STAU2: variants seen among roughly 807,000 people sequenced by gnomAD.
STAU2 encodes staufen double-stranded RNA binding protein 2.
STAU2 carries 20 observed loss-of-function variants against 65.9 expected under a neutral mutation model. That is an observed-to-expected ratio of 0.30 (90% CI 0.21 to 0.44). STAU2 has a LOEUF of 0.44. Among genes scored for constraint, STAU2 ranks in the 20% least tolerant of loss-of-function variants. The pLI, the probability that STAU2 is intolerant of heterozygous loss-of-function variation, is 1.00. For missense variants in STAU2, 558 were observed against 683.9 expected (o/e 0.82, Z 2.05); for synonymous variants, 232 against 233.9 (o/e 0.99, Z 0.07).
At chr8:73,543,053 G>A (rs1806653463) in intron 13 of STAU2, among the ~76,000 whole-genome samples, 1 of 152,098 alleles carries the variant, frequency 6.6e-6, no homozygotes, top group Non-Finnish European at 1.5e-5. Context: ...CAGGCAAACT[G>A]AAACAATTTG....
At chr8:73,690,220 T>TCGGGAGGCTGAGG (rs1216851939) in intron 4 of STAU2, among the ~76,000 whole-genome samples, 33 of 150,676 alleles carry the variant, frequency 2.2e-4, no homozygotes, top group African/African-American at 7.8e-4. Flanking sequence ...TCCCAGCTAC[T>TCGGGAGGCTGAGG]CGGGAGGCTG....
At chr8:73,542,003 T>G (rs73326792) in intron 13 of STAU2, among the ~76,000 whole-genome samples, 2 of 152,050 alleles carry the variant, frequency 1.3e-5, no homozygotes, top group African/African-American at 4.8e-5. Flanking sequence ...GAGAAAAAGG[T>G]AGAAAACTTT....
intron 13 of STAU2, among the ~76,000 whole-genome samples, chr8:73,524,187 C>T (rs983499046): frequency 2.0e-5 from 3 of 152,100 alleles, no homozygotes; most frequent in African/African-American, 7.2e-5. Flanking sequence ...GAGAAGCAGT[C>T]AGGTCAGAGA....
chr8:73,529,141 G>C (rs951327796), intron 13 of STAU2, among the ~76,000 whole-genome samples: 1 of 152,108 alleles, frequency 6.6e-6, no homozygotes, highest in Non-Finnish European at 1.5e-5. Flanking sequence ...GGGGAAAAAG[G>C]TTTGACAACA....
intron 12 of STAU2, among the ~76,000 whole-genome samples, chr8:73,560,507 T>A (rs1300655154): frequency 6.6e-6 from 1 of 152,210 alleles, no homozygotes; most frequent in Non-Finnish European, 1.5e-5. Context: ...TGGTCCTTTT[T>A]TTCCTGCTAC....
chr8:73,612,234 A>C (rs1812529052), intron 9 of STAU2, among the ~76,000 whole-genome samples: 1 of 152,242 alleles, frequency 6.6e-6, no homozygotes, highest in Non-Finnish European at 1.5e-5. Context: ...TATTTATTAT[A>C]GTATTTGCAT....
chr8:73,599,773 T>TC (rs1362300195), intron 10 of STAU2, among the ~76,000 whole-genome samples: 2 of 151,892 alleles, frequency 1.3e-5, no homozygotes, highest in East Asian at 3.8e-4. Flanking sequence ...AACAGTACTT[T>TC]TTTTTTTTTT....
intron 12 of STAU2, among the ~76,000 whole-genome samples, chr8:73,567,542 T>C (rs2128953087): frequency 6.6e-6 from 1 of 151,804 alleles, no homozygotes; most frequent in Non-Finnish European, 1.5e-5. Context: ...CAAATAATAT[T>C]TGTCTCTCTC....
intron 13 of STAU2, among the ~76,000 whole-genome samples, chr8:73,517,522 T>G (rs1822808019): frequency 6.6e-6 from 1 of 152,214 alleles, no homozygotes; most frequent in Non-Finnish European, 1.5e-5. Context: ...GAAAACACTT[T>G]GGGTTCTATT....
intron 13 of STAU2, among the ~76,000 whole-genome samples, chr8:73,530,511 G>C (rs1190143268): frequency 6.6e-6 from 1 of 152,198 alleles, no homozygotes; most frequent in Non-Finnish European, 1.5e-5. Flanking sequence ...GTAGCTCTAA[G>C]AGAATAGCTG....
intron 4 of STAU2, among the ~76,000 whole-genome samples, chr8:73,704,655 ATAAAT>A (rs905218822): frequency 6.6e-6 from 1 of 152,166 alleles, no homozygotes; most frequent in Non-Finnish European, 1.5e-5. Context: ...ATTTTTCATA[ATAAAT>A]TAAAAGTAAG....
chr8:73,730,710 G>C (rs975001969), intron 3 of STAU2, among the ~76,000 whole-genome samples: 1 of 119,478 alleles, frequency 8.4e-6, no homozygotes, highest in Non-Finnish European at 1.6e-5. Context: ...CTGGGTAACA[G>C]AGCAAGACTA....
intron 13 of STAU2, chr8:73,527,808 T>A: frequency 1.3e-6 from 2 of 1,533,972 alleles, no homozygotes; most frequent in African/African-American, 1.4e-5. Flanking sequence ...AGTGAACCTA[T>A]AACAGAACAC....
chr8:73,527,886 G>A (rs201645603), intron 13 of STAU2: 1 of 85,378 alleles, frequency 1.2e-5, no homozygotes, highest in Non-Finnish European at 2.1e-5. Context: ...AAAGGGTCTA[G>A]ATTTCACAGA....
chr8:73,540,790 T>A (rs929214190), intron 13 of STAU2, among the ~76,000 whole-genome samples: 1 of 151,766 alleles, frequency 6.6e-6, no homozygotes, highest in Non-Finnish European at 1.5e-5. Flanking sequence ...CCTGGAAAGA[T>A]CAAAATGTAT....
intron 13 of STAU2, among the ~76,000 whole-genome samples, chr8:73,466,055 G>C (rs1819635348): frequency 6.6e-6 from 1 of 152,202 alleles, no homozygotes; most frequent in Non-Finnish European, 1.5e-5. Context: ...GTGTATACTG[G>C]TGTAGGGTCA....
intron 13 of STAU2, among the ~76,000 whole-genome samples, chr8:73,537,420 AACAG>A (rs1049628144): frequency 1.3e-4 from 20 of 152,354 alleles, no homozygotes; most frequent in African/African-American, 3.8e-4. Flanking sequence ...CAAACAAATC[AACAG>A]ACAATCAAGC....
chr8:73,501,240 A>G (rs1247247162), intron 13 of STAU2, among the ~76,000 whole-genome samples: 1 of 151,916 alleles, frequency 6.6e-6, no homozygotes, highest in Non-Finnish European at 1.5e-5. Flanking sequence ...AAAGTACTGA[A>G]CCCTCATTAA....
chr8:73,553,891 A>G (rs1040735677), intron 12 of STAU2, among the ~76,000 whole-genome samples: 1 of 151,964 alleles, frequency 6.6e-6, no homozygotes, highest in Admixed American at 6.6e-5. Flanking sequence ...ATTCTCTGTC[A>G]GGTAAATCAC....
Sources: allele counts gnomAD v4.1 joint callset (sites outside exome capture counted in the v4.1 genomes callset), GRCh38; gene constraint gnomAD v4.1.1; transcripts MANE v1.5; gene names NCBI Gene and HGNC (gene_info 2026-07-23, HGNC 2026-07-21).